The following TMEM131 variants were observed in gnomAD, a reference collection of about 807,000 sequenced individuals.
TMEM131 encodes 2610524E03Rik.
A neutral mutation model predicts 211.6 loss-of-function variants in TMEM131; 66 were observed. The observed-to-expected ratio is 0.31, with a 90% confidence interval of 0.26 to 0.38. TMEM131 has a LOEUF of 0.38. Among genes scored for constraint, TMEM131 ranks in the 10% least tolerant of loss-of-function variants. The pLI, the probability that TMEM131 is intolerant of heterozygous loss-of-function variation, is 1.00. For synonymous variants in TMEM131, 844 were observed against 841.3 expected (o/e 1.00, Z -0.06); for missense variants, 2,036 against 2,299.3 (o/e 0.89, Z 2.34).
chr2:97,977,740 G>A (rs984292125), intron 1 of TMEM131, among the ~76,000 whole-genome samples: 3 of 152,170 alleles, frequency 2.0e-5, no homozygotes, highest in Admixed American at 6.5e-5. Context: ...CCTCAAGGTT[G>A]ATCAGGATCA....
chr2:97,767,815 C>A (rs964633709), intron 33 of TMEM131, among the ~76,000 whole-genome samples: 7 of 152,176 alleles, frequency 4.6e-5, no homozygotes, highest in African/African-American at 1.7e-4. Context: ...CTTCACGCAC[C>A]ATGTTGCCTT....
At chr2:97,875,951 A>G (rs1449820441) in intron 4 of TMEM131, among the ~76,000 whole-genome samples, 2 of 152,218 alleles carry the variant, frequency 1.3e-5, no homozygotes, top group Non-Finnish European at 2.9e-5. Context: ...GAAAAGGTCA[A>G]CAAAATAGAT....
At position 97,855,560 on chromosome 2, in the gene TMEM131, G is replaced by C. The variant is rs149892982; in HGVS notation, c.483+3744C>G. 5.9e-5 allele frequency among the ~76,000 whole-genome samples: 9 copies of C among 152,238 alleles called. No individual in the cohort carries two copies. In the East Asian group the frequency reaches 1.7e-3, roughly 29 times the overall value. ...ACCAAAAAATACAAAAATTAGCTGG[G>C]TGTGGTAGCAGGTGCTTGTAGTCCC... is the stretch of plus-strand genomic sequence containing the variant. On this transcript the variant is annotated intron_variant, in intron 5 of 40. Transcript: ENST00000186436.
At position 97,995,635 on chromosome 2, in the gene TMEM131, T is replaced by C. The variant is rs1680475296; in HGVS notation, c.28A>G (p.Thr10Ala). The change falls in exon 1 of 41, where the codon ACC becomes GCC. Residue 10 changes from threonine (T) to alanine (A), a missense_variant. Coordinates refer to ENST00000186436, the MANE Select transcript of TMEM131 (RefSeq NM_015348.2). Reference protein sequence around the residue: MGKRAGGGATGATTAAVSTS... With the variant: MGKRAGGGAAGATTAAVSTS... ...GAGACGGCGGCGGTGGTGGCTCCGGTTGCTCCTCCTCCCGCCCGCTTCCCC... is the reference window on the plus strand; with the variant it reads ...GAGACGGCGGCGGTGGTGGCTCCGGCTGCTCCTCCTCCCGCCCGCTTCCCC... The C allele has an allele frequency of 8.2e-7, 1 of 1,225,526 alleles. No individual in the cohort carries two copies. Among genetic ancestry groups the C allele is most frequent in the African/African-American group, 1.6e-5 (1 of 63,614 alleles). The allele number at this position is 1,225,526 out of a possible 1,614,324, so 75.9% of individuals were successfully genotyped here. A position where few individuals can be genotyped will look rare whatever the true frequency, so the allele number is the denominator to read the frequency against.
chr2:97,903,675 G>GGGTT (rs1675950022), intron 3 of TMEM131, among the ~76,000 whole-genome samples: 1 of 151,822 alleles, frequency 6.6e-6, no homozygotes, highest in South Asian at 2.1e-4. Flanking sequence ...AACTCTAGCT[G>GGGTT]GGTTTGTTTG....
Position 97,796,930 on chromosome 2 carries a change from T to C in TMEM131, c.2927A>G (p.Asn976Ser), listed in dbSNP as rs749041297. 35 of 1,613,856 alleles carry C rather than the reference T, an allele frequency of 2.2e-5. No homozygotes were observed. The highest frequency in any genetic ancestry group is 2.6e-5 in the Non-Finnish European group (31 of 1,179,868). The change falls in exon 27 of 41, where the codon AAC becomes AGC. Residue 976 changes from asparagine (N) to serine (S), a missense_variant. This residue lies in a region of TMEM131 where 1,623 missense variants were observed against 1,805.9 expected (regional missense o/e 0.90). Coordinates refer to ENST00000186436, the MANE Select transcript of TMEM131 (RefSeq NM_015348.2). Reference sequence around the variant, plus strand: ...TGGAAGCTTGCCTGCCACCCTCAAGTTCTCAGTTGTTCCTTGTCCTTGGAC... The same window carrying C: ...TGGAAGCTTGCCTGCCACCCTCAAGCTCTCAGTTGTTCCTTGTCCTTGGAC... ...VMVQGQGTTENLRVAGKLPGP... is the reference protein window; with the variant it reads ...VMVQGQGTTESLRVAGKLPGP...
chr2:97,834,494 C>T, intron 10 of TMEM131, 127 bp downstream of exon 10: 1 of 779,728 alleles, frequency 1.3e-6, no homozygotes, highest in Middle Eastern at 3.9e-4. Flanking sequence ...GAGATTTGTA[C>T]AAGATCATGC....
At chr2:97,825,393 T>C (rs1382150649) in intron 11 of TMEM131, among the ~76,000 whole-genome samples, 1 of 152,204 alleles carries the variant, frequency 6.6e-6, no homozygotes, top group Non-Finnish European at 1.5e-5. Flanking sequence ...ACCAGTGCCC[T>C]CAGCAAGGAA....
intron 5 of TMEM131, among the ~76,000 whole-genome samples, chr2:97,844,785 T>C (rs746600082): frequency 2.0e-5 from 3 of 152,190 alleles, no homozygotes; most frequent in African/African-American, 7.2e-5. Flanking sequence ...AGATTAAGAA[T>C]GTCACTATAG....
chr2:97,791,857 T>C (rs1318226283), intron 31 of TMEM131, among the ~76,000 whole-genome samples: 1 of 152,214 alleles, frequency 6.6e-6, no homozygotes, highest in Non-Finnish European at 1.5e-5. Context: ...CTGTGGGCCA[T>C]ATTGTTTTGG....
At chr2:97,908,589 G>A (rs1559440090) in intron 3 of TMEM131, 69 bp downstream of exon 3, 3 of 1,123,516 alleles carry the variant, frequency 2.7e-6, no homozygotes, top group Non-Finnish European at 2.6e-6. Flanking sequence ...GGGGAAAGAG[G>A]AGGGAGAACC....
intron 4 of TMEM131, among the ~76,000 whole-genome samples, chr2:97,872,344 C>A (rs117460388): frequency 1.3e-5 from 2 of 152,106 alleles, no homozygotes; most frequent in Admixed American, 6.5e-5. Flanking sequence ...CCCAATGATG[C>A]CCCTTTACCT....
intron 1 of TMEM131, among the ~76,000 whole-genome samples, chr2:97,960,959 G>T (rs137926954): frequency 1.3e-5 from 2 of 151,992 alleles, no homozygotes; most frequent in Admixed American, 1.3e-4. Flanking sequence ...TAGAGAAAAA[G>T]AATTTGATAA....
At chr2:97,913,663 C>G (rs1325582951) in intron 2 of TMEM131, among the ~76,000 whole-genome samples, 1 of 152,172 alleles carries the variant, frequency 6.6e-6, no homozygotes, top group African/African-American at 2.4e-5. Context: ...TATTGTTAAA[C>G]AGAAGATTTA....
At chr2:97,850,480 A>G (rs1401405382) in intron 5 of TMEM131, among the ~76,000 whole-genome samples, 1 of 152,080 alleles carries the variant, frequency 6.6e-6, no homozygotes, top group Non-Finnish European at 1.5e-5. Context: ...TGTTGAGACC[A>G]CCAGTGCCAT....
chr2:97,796,394 T>C lies in TMEM131; in HGVS notation c.3024A>G (p.Leu1008=). 6.6e-7 allele frequency: 1 copy of C among 1,522,018 alleles called. No homozygotes were observed. The highest frequency in any genetic ancestry group is 2.5e-5 in the East Asian group (1 of 40,210). 94.3% of individuals were successfully genotyped at this position (1,522,018 alleles called of 1,614,324 possible). The part of the protein sequence containing the change: ...LLKDCTDSLK[L]REPNFTLKRT... ...TTTTCAATGTGAAATTTGGTTCTCT[T>C]AGTTTTAAACCTAAAGGATAAAAAA... is the stretch of plus-strand genomic sequence containing the variant. Residue 1008 remains leucine, a synonymous_variant, in exon 28 of 41, where the codon CTA becomes CTG. Coordinates refer to ENST00000186436, the MANE Select transcript of TMEM131 (RefSeq NM_015348.2).
At chr2:97,900,221 T>C (rs895842929) in intron 3 of TMEM131, among the ~76,000 whole-genome samples, 1 of 152,128 alleles carries the variant, frequency 6.6e-6, no homozygotes, top group Non-Finnish European at 1.5e-5. Context: ...TGTGAAATAC[T>C]GTTTCTACTG....
intron 1 of TMEM131, among the ~76,000 whole-genome samples, chr2:97,963,244 G>A (rs1175018798): frequency 6.6e-6 from 1 of 152,182 alleles, no homozygotes; most frequent in Non-Finnish European, 1.5e-5. Context: ...TTACAGCATT[G>A]TTTTAAAGTA....
rs757832324 is a variant in TMEM131 at position 97,888,014 on chromosome 2, T to A, written c.359+38A>T. On this transcript the variant is annotated intron_variant, in intron 4 of 40. Coordinates refer to ENST00000186436, the MANE Select transcript of TMEM131 (RefSeq NM_015348.2). Reference sequence around the variant, plus strand: ...AATGCATGTAAAATACATTTAATAGTTTAATGGGAAAGTACAGTCCAAAAA... The same window carrying A: ...AATGCATGTAAAATACATTTAATAGATTAATGGGAAAGTACAGTCCAAAAA... 13 of 1,512,402 alleles carry A rather than the reference T, an allele frequency of 8.6e-6. No homozygotes were observed. The Admixed American group carries it at 2.2e-4, about 26-fold the overall frequency. 93.7% of individuals were successfully genotyped at this position (1,512,402 alleles called of 1,614,324 possible).
Sources: allele counts gnomAD v4.1 joint callset (sites outside exome capture counted in the v4.1 genomes callset), GRCh38; gene constraint gnomAD v4.1.1; regional missense constraint gnomAD v4.1.1; transcripts MANE v1.5; gene names NCBI Gene and HGNC (gene_info 2026-07-23, HGNC 2026-07-21).